TBC1D14: variants seen among roughly 807,000 people sequenced by gnomAD.
The protein encoded by TBC1D14 is TBC1 domain family, member 14.
A neutral mutation model predicts 79.0 loss-of-function variants in TBC1D14; 26 were observed. The observed-to-expected ratio is 0.33, with a 90% confidence interval of 0.24 to 0.46. The LOEUF is 0.46. Among genes scored for constraint, TBC1D14 ranks in the 20% least tolerant of loss-of-function variants. TBC1D14 has a pLI of 1.00. For missense variants in TBC1D14, 769 were observed against 887.6 expected (o/e 0.87, Z 1.70); for synonymous variants, 394 against 349.9 (o/e 1.13, Z -1.40).
At chr4:7,006,442 T>C (rs886670294) in intron 8 of TBC1D14, among the ~76,000 whole-genome samples, 190 bp from the exon 9 acceptor site, 2 of 152,232 alleles carry the variant, frequency 1.3e-5, no homozygotes, top group Non-Finnish European at 2.9e-5. Flanking sequence ...CCATAAGATA[T>C]TTTGTTCTCT....
At chr4:7,001,548 C>G (rs1044303164) in intron 7 of TBC1D14, 1 of 321,258 alleles carries the variant, frequency 3.1e-6, no homozygotes, top group Non-Finnish European at 5.9e-6. Flanking sequence ...GGAAGGCAAG[C>G]CTTGCCTGCG....
chr4:7,027,342 C>A (rs2108749856), intron 13 of TBC1D14, among the ~76,000 whole-genome samples: 1 of 137,730 alleles, frequency 7.3e-6, no homozygotes. Context: ...CCCACACACA[C>A]AATCACCTCC....
At chr4:7,011,033 G>T (rs567239741) in intron 11 of TBC1D14, among the ~76,000 whole-genome samples, 1 of 152,222 alleles carries the variant, frequency 6.6e-6, no homozygotes, top group East Asian at 1.9e-4. Flanking sequence ...CTGTATTTTT[G>T]AAAATGTATT....
intron 1 of TBC1D14, among the ~76,000 whole-genome samples, chr4:6,921,772 C>A (rs2108918149): frequency 6.7e-6 from 1 of 150,042 alleles, no homozygotes; most frequent in Non-Finnish European, 1.5e-5. Context: ...TCTCGGCTCA[C>A]TGCAACCTCC....
chr4:6,912,736 C>T (rs1577445982), intron 1 of TBC1D14, among the ~76,000 whole-genome samples: 1 of 152,232 alleles, frequency 6.6e-6, no homozygotes, highest in Admixed American at 6.5e-5. Flanking sequence ...AGGGCTTTCC[C>T]TGTGCCAGGC....
intron 3 of TBC1D14, among the ~76,000 whole-genome samples, chr4:6,993,673 G>A (rs1307440935): frequency 1.3e-5 from 2 of 152,194 alleles, no homozygotes; most frequent in Non-Finnish European, 1.5e-5. Context: ...CGAGGGAAGC[G>A]TGCAGTCATA....
intron 7 of TBC1D14, among the ~76,000 whole-genome samples, chr4:7,001,752 T>A (rs1719699614): frequency 6.6e-6 from 1 of 152,178 alleles, no homozygotes. Context: ...CTCGCTGTAT[T>A]GCATCTACTC....
intron 2 of TBC1D14, among the ~76,000 whole-genome samples, chr4:6,926,335 G>A (rs943752789): frequency 1.3e-5 from 2 of 152,110 alleles, no homozygotes; most frequent in South Asian, 2.1e-4. Context: ...TCTTTCTGCC[G>A]CCGTTGTGAT....
chr4:6,953,629 CAAAAAA>C (rs750667631), intron 2 of TBC1D14, among the ~76,000 whole-genome samples: 17 of 55,038 alleles, frequency 3.1e-4, no homozygotes, highest in African/African-American at 4.8e-4. Flanking sequence ...GACTCCGTCT[CAAAAAA>C]AAAAAAAAAA....
chr4:6,989,275 C>T (rs551184245), intron 3 of TBC1D14, among the ~76,000 whole-genome samples: 1 of 152,214 alleles, frequency 6.6e-6, no homozygotes, highest in African/African-American at 2.4e-5. Context: ...CTCTGGCTCT[C>T]CTCTCTCTCC....
intron 2 of TBC1D14, among the ~76,000 whole-genome samples, chr4:6,926,474 A>G (rs1724305240): frequency 6.6e-6 from 1 of 152,236 alleles, no homozygotes; most frequent in South Asian, 2.1e-4. Flanking sequence ...GTGCTGCAGG[A>G]AACAAGTGTC....
At chr4:6,931,101 A>G (rs1355385223) in intron 2 of TBC1D14, among the ~76,000 whole-genome samples, 2 of 152,004 alleles carry the variant, frequency 1.3e-5, no homozygotes, top group South Asian at 2.1e-4. Context: ...GGGTTTCTCT[A>G]TGTTAGCCAG....
At chr4:6,936,249 G>C (rs1712315322) in intron 2 of TBC1D14, among the ~76,000 whole-genome samples, 1 of 152,182 alleles carries the variant, frequency 6.6e-6, no homozygotes, top group Non-Finnish European at 1.5e-5. Flanking sequence ...ACATGTATCT[G>C]CCGTGGCCGT....
chr4:7,025,282 T>C lies in TBC1D14; in HGVS notation c.2016+20T>C. On this transcript the variant is annotated intron_variant, in intron 13 of 13. Coordinates refer to ENST00000409757, the MANE Select transcript of TBC1D14 (RefSeq NM_020773.3). ...GCTCAGGTCAGCGGGCTTTGTGTTC[T>C]TGGCTTCCCACAGCGTAGCCGGCAA... The C allele has an allele frequency of 6.2e-7, 1 of 1,613,662 alleles. No homozygotes were observed. Among genetic ancestry groups the C allele is most frequent in the South Asian group, 1.1e-5 (1 of 91,062 alleles).
intron 7 of TBC1D14, among the ~76,000 whole-genome samples, chr4:7,002,128 C>CA (rs926612266): frequency 2.6e-5 from 4 of 152,198 alleles, no homozygotes; most frequent in African/African-American, 9.6e-5. Flanking sequence ...GGTCTCCCCT[C>CA]ACGCCCTCAC....
At chr4:6,957,342 G>A (rs866137060) in intron 2 of TBC1D14, among the ~76,000 whole-genome samples, 4 of 152,240 alleles carry the variant, frequency 2.6e-5, no homozygotes, top group Non-Finnish European at 1.5e-5. Context: ...GGGAGCAGGC[G>A]CTCCATGCCT....
At chr4:6,922,906 ACTCTAGCTTCTGGGCCAGGCGTGGTGG>A (rs1723979988) in intron 1 of TBC1D14, among the ~76,000 whole-genome samples, 1 of 151,798 alleles carries the variant, frequency 6.6e-6, no homozygotes, top group Non-Finnish European at 1.5e-5. Flanking sequence ...GTATGTTAAA[ACTCTAGCTTCTGGGCCAGGCGTGGTGG>A]CTCATGCCCA....
intron 3 of TBC1D14, chr4:6,987,246 T>TCCGC (rs933636891): frequency 4.3e-5 from 55 of 1,265,884 alleles, no homozygotes; most frequent in Admixed American, 2.1e-4. Context: ...AGCCGCCGCG[T>TCCGC]CCGCCCGCCC....
intron 1 of TBC1D14, among the ~76,000 whole-genome samples, chr4:6,915,049 CAAA>C (rs1345234683): frequency 6.6e-6 from 1 of 152,008 alleles, no homozygotes; most frequent in Non-Finnish European, 1.5e-5. Flanking sequence ...AGAAACAAAA[CAAA>C]AAGAGAAAGA....
Sources: allele counts gnomAD v4.1 joint callset (sites outside exome capture counted in the v4.1 genomes callset), GRCh38; gene constraint gnomAD v4.1.1; transcripts MANE v1.5; gene names NCBI Gene and HGNC (gene_info 2026-07-23, HGNC 2026-07-21).